Variants in ROBO2 observed in about 807,000 individuals in gnomAD.
ROBO2 encodes the protein roundabout homolog 2.
ROBO2 carries 53 observed loss-of-function variants against 160.8 expected under a neutral mutation model. That is an observed-to-expected ratio of 0.33 (90% CI 0.26 to 0.41). The LOEUF is 0.41. Among genes scored for constraint, ROBO2 ranks in the 10% least tolerant of loss-of-function variants. ROBO2 has a pLI of 1.00. For missense variants in ROBO2, 1,577 were observed against 1,722.4 expected (o/e 0.92, Z 1.49); for synonymous variants, 664 against 611.7 (o/e 1.09, Z -1.26).
chr3:76,841,172 T>G (rs1420014928), intron 2 of ROBO2, among the ~76,000 whole-genome samples: 2 of 152,156 alleles, frequency 1.3e-5, no homozygotes, highest in African/African-American at 4.8e-5. Flanking sequence ...GCAAGCGCCA[T>G]TGGATTAGAA....
At chr3:76,862,956 G>A (rs913582561) in intron 2 of ROBO2, among the ~76,000 whole-genome samples, 1 of 152,022 alleles carries the variant, frequency 6.6e-6, no homozygotes, top group East Asian at 1.9e-4. Flanking sequence ...GAAAGCAAAT[G>A]CAAAGAAATT....
chr3:76,201,889 C>CA (rs3039047), intron 2 of ROBO2, among the ~76,000 whole-genome samples: 45 of 105,538 alleles, frequency 4.3e-4, no homozygotes, highest in African/African-American at 9.5e-4. Context: ...CGAGAAATGT[C>CA]AAAAAAAAAA....
At chr3:76,766,451 A>G (rs189670123) in intron 2 of ROBO2, among the ~76,000 whole-genome samples, 1 of 151,838 alleles carries the variant, frequency 6.6e-6, no homozygotes, top group Admixed American at 6.6e-5. Flanking sequence ...TAAATAAGAA[A>G]ATGGCAGAAA....
rs1559797264 is a variant in ROBO2 at position 77,646,040 on chromosome 3, T to G, written c.4136-14T>G. 1.3e-6 allele frequency: 2 copies of G among 1,582,910 alleles called. No individual in the cohort carries two copies. The highest frequency in any genetic ancestry group is 2.2e-5 in the East Asian group (1 of 44,496). On this transcript the variant is annotated splice_polypyrimidine_tract_variant and intron_variant, in intron 25 of 25. Transcript: ENST00000461745. ...TAATTTATATTTTATTTCTACTTTT[T>G]TCTCTTTCTTTAGAGTAAATGAGAG...
chr3:76,893,199 C>T (rs1425231732), intron 2 of ROBO2, among the ~76,000 whole-genome samples: 1 of 151,868 alleles, frequency 6.6e-6, no homozygotes, highest in African/African-American at 2.4e-5. Context: ...CCCTTTGGGC[C>T]AGACACACAC....
upstream of ROBO2, among the ~76,000 whole-genome samples, chr3:77,035,952 G>T (rs191741661): frequency 2.0e-5 from 3 of 151,932 alleles, no homozygotes; most frequent in South Asian, 4.1e-4. Flanking sequence ...CTTTAAAGAG[G>T]TTCTTAAATT....
chr3:77,012,200 G>A (rs771029346), intron 2 of ROBO2, among the ~76,000 whole-genome samples: 1 of 151,950 alleles, frequency 6.6e-6, no homozygotes, highest in Non-Finnish European at 1.5e-5. Flanking sequence ...TTTATACTGT[G>A]GTTTTCTGTT....
At chr3:76,919,767 G>A (rs1202220767) in intron 2 of ROBO2, among the ~76,000 whole-genome samples, 1 of 151,992 alleles carries the variant, frequency 6.6e-6, no homozygotes, top group Non-Finnish European at 1.5e-5. Context: ...TTGCAATCTT[G>A]AATCACTGAT....
At chr3:76,480,290 A>G (rs576755403) in intron 2 of ROBO2, among the ~76,000 whole-genome samples, 149 of 152,194 alleles carry the variant, frequency 9.8e-4, no homozygotes, top group African/African-American at 3.2e-3. Context: ...CTTTAAGAAA[A>G]TGTGCTTTGT....
At chr3:77,234,102 G>A (rs1323082774) in intron 2 of ROBO2, among the ~76,000 whole-genome samples, 2 of 152,118 alleles carry the variant, frequency 1.3e-5, no homozygotes, top group African/African-American at 4.8e-5. Flanking sequence ...TGGGACTTTG[G>A]GTTTTTGCCT....
chr3:76,507,029 C>A (rs2080834757), intron 2 of ROBO2, among the ~76,000 whole-genome samples: 1 of 152,040 alleles, frequency 6.6e-6, no homozygotes, highest in South Asian at 2.1e-4. Flanking sequence ...ATATTAGTAT[C>A]AATTGTAACA....
intron 2 of ROBO2, among the ~76,000 whole-genome samples, chr3:76,347,454 G>T (rs1011278141): frequency 2.6e-5 from 4 of 151,980 alleles, no homozygotes; most frequent in Non-Finnish European, 5.9e-5. Context: ...ATAACAGAAG[G>T]TATATATTTA....
chr3:76,079,386 G>A (rs28766103), intron 2 of ROBO2, among the ~76,000 whole-genome samples: 23,950 of 151,646 alleles, frequency 0.16, 1,982 homozygotes, highest in African/African-American at 0.19. Flanking sequence ...CATTGTATGT[G>A]TGTATCAAAA....
chr3:76,896,561 T>A (rs886548444), intron 2 of ROBO2, among the ~76,000 whole-genome samples: 2 of 152,200 alleles, frequency 1.3e-5, no homozygotes, highest in African/African-American at 4.8e-5. Context: ...CCTTCACATA[T>A]TTAAATGCTA....
chr3:76,794,447 CAAG>C (rs1046462871), intron 2 of ROBO2, among the ~76,000 whole-genome samples: 91 of 151,998 alleles, frequency 6.0e-4, no homozygotes, highest in Admixed American at 4.6e-3. Flanking sequence ...TTCCTAATTT[CAAG>C]AAGAAGTTCT....
intron 2 of ROBO2, among the ~76,000 whole-genome samples, chr3:77,413,632 G>A (rs1183434683): frequency 6.6e-6 from 1 of 152,190 alleles, no homozygotes; most frequent in African/African-American, 2.4e-5. Flanking sequence ...GAGTTAACCA[G>A]GTGGAATCAG....
At chr3:77,365,297 T>C (rs1476866175) in intron 2 of ROBO2, among the ~76,000 whole-genome samples, 1 of 152,008 alleles carries the variant, frequency 6.6e-6, no homozygotes, top group African/African-American at 2.4e-5. Flanking sequence ...TGAAGGAGGG[T>C]TTATGGCAGC....
At chr3:76,500,390 G>C (rs947342553) in intron 2 of ROBO2, among the ~76,000 whole-genome samples, 1 of 152,150 alleles carries the variant, frequency 6.6e-6, no homozygotes, top group Non-Finnish European at 1.5e-5. Flanking sequence ...TGGGATTACA[G>C]GTGTGAGCCA....
chr3:77,634,714 A>T, intron 23 of ROBO2, 156 bp from the exon 25 acceptor site: 3 of 765,644 alleles, frequency 3.9e-6, no homozygotes, highest in Non-Finnish European at 6.6e-6. Context: ...GAGAATGTAG[A>T]AAATACATTT....
Sources: allele counts gnomAD v4.1 joint callset (sites outside exome capture counted in the v4.1 genomes callset), GRCh38; gene constraint gnomAD v4.1.1; transcripts MANE v1.5; gene names NCBI Gene and HGNC (gene_info 2026-07-23, HGNC 2026-07-21).